The following USP6NL variants were observed in gnomAD, a reference collection of about 807,000 sequenced individuals.
USP6NL encodes the protein USP6 N-terminal-like protein.
Under a neutral mutation model 61.9 loss-of-function variants are expected in USP6NL, and 26 were observed. The ratio of observed to expected loss-of-function variants is 0.42; its 90% CI spans 0.31 to 0.58. The LOEUF is 0.58. Among genes scored for constraint, USP6NL ranks in the 20% least tolerant of loss-of-function variants. The pLI, the probability that USP6NL is intolerant of heterozygous loss-of-function variation, is 0.16. For missense variants in USP6NL, 1,114 were observed against 1,034.3 expected (o/e 1.08, Z -1.06); for synonymous variants, 432 against 390.1 (o/e 1.11, Z -1.27).
In USP6NL at chr10:11,593,110, C is replaced by T. The variant is rs1838207578; in HGVS notation, c.4+4521G>A. ...CAAACACTCCAGTGTCATAGATTCA[C>T]TCCTGGATTACCCAGCCAGAAGAGA... is the stretch of plus-strand genomic sequence containing the variant. On this transcript the variant is annotated intron_variant, in intron 2 of 14. Coordinates refer to ENST00000609104, the MANE Select transcript of USP6NL (RefSeq NM_014688.5). Among the ~76,000 whole-genome samples the T allele has an allele frequency of 2.0e-5, 3 of 152,220 alleles. No individual in the cohort carries two copies. In the South Asian group the frequency reaches 6.2e-4, roughly 31 times the overall value.
intron 14 of USP6NL, among the ~76,000 whole-genome samples, chr10:11,467,827 C>T (rs879744601): frequency 4.6e-5 from 7 of 152,116 alleles, no homozygotes; most frequent in Non-Finnish European, 8.8e-5. Context: ...ATTTTTTCTG[C>T]TGTAAACATG....
chr10:11,522,642 T>TA (rs1224001664), intron 4 of USP6NL, among the ~76,000 whole-genome samples: 3 of 152,254 alleles, frequency 2.0e-5, no homozygotes, highest in Non-Finnish European at 4.4e-5. Context: ...ATTAGTGTGA[T>TA]AAAAAGTATG....
intron 2 of USP6NL, among the ~76,000 whole-genome samples, chr10:11,550,865 A>C (rs1347487692): frequency 2.6e-5 from 4 of 152,178 alleles, no homozygotes; most frequent in African/African-American, 9.6e-5. Flanking sequence ...ATGGCCAAAA[A>C]ATACACTAAA....
intron 2 of USP6NL, among the ~76,000 whole-genome samples, chr10:11,557,743 C>T (rs1836769407): frequency 6.6e-6 from 1 of 152,086 alleles, no homozygotes; most frequent in Admixed American, 6.5e-5. Flanking sequence ...GGTGGTGCCA[C>T]ACAGGGCAGT....
At position 11,463,088 on chromosome 10, in the gene USP6NL, G is replaced by T. The variant is rs763820459; in HGVS notation, c.1840C>A (p.Arg614=). 6.2e-7 allele frequency: 1 copy of T among 1,614,068 alleles called. No homozygotes were observed. Among genetic ancestry groups the T allele is most frequent in the Admixed American group, 1.7e-5 (1 of 60,036 alleles). The change falls in exon 15 of 15, where the codon CGA becomes AGA. Residue 614 remains arginine, a synonymous_variant. Coordinates refer to ENST00000609104, the MANE Select transcript of USP6NL (RefSeq NM_014688.5). The surrounding 1 kb of genome is among the most constrained non-coding windows in gnomAD (Gnocchi z 6.3). ...TFKVQPPSHA[R]YPSQLDGEAR... is the part of the protein sequence containing the mutation. ...TCCCCATCTAGCTGGGACGGATATC[G>T]TGCATGACTTGGAGGCTGTACTTTA...
In USP6NL at chr10:11,527,450, T is replaced by C. The variant is rs563094391; in HGVS notation, c.72+50A>G. The C allele has an allele frequency of 1.3e-5, 19 of 1,509,294 alleles. No homozygotes were observed. The East Asian group carries it at 4.1e-4, about 33-fold the overall frequency. The allele number at this position is 1,509,294 out of a possible 1,614,324, so 93.5% of individuals were successfully genotyped here. On this transcript the variant is annotated intron_variant, in intron 3 of 14. Transcript: ENST00000609104. ...CAAAAAGCAAATCCATTTCTATTTA[T>C]ATGGTTTTTCTAATAAAACTCACCC...
chr10:11,524,608 T>C (rs1835346260), intron 4 of USP6NL, among the ~76,000 whole-genome samples: 1 of 152,202 alleles, frequency 6.6e-6, no homozygotes, highest in East Asian at 1.9e-4. Context: ...CTGTGAACTA[T>C]ACAAAAAACG....
At position 11,532,730 on chromosome 10, in the gene USP6NL, A is replaced by G. The variant is rs1217514059; in HGVS notation, c.5-5163T>C. ...CAGAAATGCTCCTCTCCTCAAATACATTTTATATCTTAATGTAATTTTTAA... is the reference window on the plus strand; with the variant it reads ...CAGAAATGCTCCTCTCCTCAAATACGTTTTATATCTTAATGTAATTTTTAA... On this transcript the variant is annotated intron_variant, in intron 2 of 14. Coordinates refer to ENST00000609104, the MANE Select transcript of USP6NL (RefSeq NM_014688.5). The surrounding 1 kb of genome is among the most constrained non-coding windows in gnomAD (Gnocchi z 4.1). 6.6e-6 allele frequency among the ~76,000 whole-genome samples: 1 copy of G among 152,206 alleles called. No individual in the cohort carries two copies. The highest frequency in any genetic ancestry group is 2.4e-5 in the African/African-American group (1 of 41,454).
At position 11,591,414 on chromosome 10, in the gene USP6NL, T is replaced by C. The variant is rs1011497448; in HGVS notation, c.4+6217A>G. On this transcript the variant is annotated intron_variant, in intron 2 of 14. Coordinates refer to ENST00000609104, the MANE Select transcript of USP6NL (RefSeq NM_014688.5). The surrounding 1 kb of genome is among the most constrained non-coding windows in gnomAD (Gnocchi z 4.7). ...AACAGGTCTATAAAAACTAGATAAA[T>C]ATAGCTTTTGAAGAATAAAAATATA... Among the ~76,000 whole-genome samples the C allele has an allele frequency of 4.6e-5, 7 of 152,146 alleles. No individual in the cohort carries two copies. The highest frequency in any genetic ancestry group is 8.8e-5 in the Non-Finnish European group (6 of 68,006).
At chr10:11,473,466 C>T (rs1025767882) in intron 14 of USP6NL, among the ~76,000 whole-genome samples, 2 of 152,064 alleles carry the variant, frequency 1.3e-5, no homozygotes, top group East Asian at 1.9e-4. Context: ...AGGCTTCAGG[C>T]GATGCTTAAA....
chr10:11,555,115 T>G (rs1205381162), intron 2 of USP6NL, among the ~76,000 whole-genome samples: 110 of 145,962 alleles, frequency 7.5e-4, no homozygotes, highest in South Asian at 2.4e-3. Flanking sequence ...TTTGGTTTTT[T>G]TTTTTAAGAA....
chr10:11,497,093 CTTT>C (rs11287847), intron 7 of USP6NL, among the ~76,000 whole-genome samples: 1,928 of 130,706 alleles, frequency 0.015, 38 homozygotes, highest in African/African-American at 0.045. Flanking sequence ...TCTCTTCCAT[CTTT>C]TTTTTTTTTT....
intron 1 of USP6NL, among the ~76,000 whole-genome samples, chr10:11,609,021 T>C (rs376209809): frequency 3.3e-5 from 5 of 152,302 alleles, no homozygotes; most frequent in African/African-American, 1.2e-4. Context: ...TCTCTCAATA[T>C]AATGAAATCA....
At chr10:11,583,143 A>G (rs1033196389) in intron 2 of USP6NL, among the ~76,000 whole-genome samples, 5 of 151,492 alleles carry the variant, frequency 3.3e-5, no homozygotes, top group Non-Finnish European at 7.4e-5. Flanking sequence ...ATAATATACT[A>G]TAACTGAACA....
Position 11,575,989 on chromosome 10 carries a change from C to T in USP6NL, c.4+21642G>A, listed in dbSNP as rs1197141315. 2.0e-5 allele frequency among the ~76,000 whole-genome samples: 3 copies of T among 151,900 alleles called. No homozygotes were observed. The highest frequency in any genetic ancestry group is 7.3e-5 in the African/African-American group (3 of 41,322). On this transcript the variant is annotated intron_variant, in intron 2 of 14. Transcript: ENST00000609104. The surrounding 1 kb of genome is among the most constrained non-coding windows in gnomAD (Gnocchi z 4.2). The stretch of plus-strand genomic sequence containing the variant: ...TCATCAGTTAATTTCCTAACTATGA[C>T]CACTGCACTGTAGTTATGTAACAGA...
At chr10:11,583,150 A>T (rs1837842828) in intron 2 of USP6NL, among the ~76,000 whole-genome samples, 1 of 151,662 alleles carries the variant, frequency 6.6e-6, no homozygotes, top group Non-Finnish European at 1.5e-5. Flanking sequence ...ACTATAACTG[A>T]ACATACTCTA....
chr10:11,581,441 T>C (rs539905658), intron 2 of USP6NL, among the ~76,000 whole-genome samples: 19 of 152,380 alleles, frequency 1.2e-4, no homozygotes, highest in African/African-American at 4.3e-4. Context: ...CAACCCAGCA[T>C]CTTTTCATTC....
At chr10:11,546,572 T>C (rs1240447395) in intron 2 of USP6NL, among the ~76,000 whole-genome samples, 1 of 72,192 alleles carries the variant, frequency 1.4e-5, no homozygotes, top group African/African-American at 4.8e-5. Context: ...CGGCTAATTG[T>C]TGTTGTTGTT....
At chr10:11,541,275 A>ATG (rs1491130447) in intron 2 of USP6NL, among the ~76,000 whole-genome samples, 1 of 104,816 alleles carries the variant, frequency 9.5e-6, no homozygotes, top group Non-Finnish European at 2.0e-5. Flanking sequence ...ATATATATAT[A>ATG]TGTATGTCAC....
Sources: gnomAD v4.1 joint callset for allele counts (sites outside exome capture counted in the v4.1 genomes callset) on GRCh38, gnomAD v4.1.1 for gene constraint, Gnocchi (gnomAD v3.1) non-coding constraint, MANE v1.5 for transcripts, NCBI Gene and HGNC (gene_info 2026-07-23, HGNC 2026-07-21) for gene names.